LYRM4: variants seen among roughly 807,000 people sequenced by gnomAD.
LYRM4 encodes the protein LYR motif-containing protein 4.
Under a neutral mutation model 11.7 loss-of-function variants are expected in LYRM4, and 9 were observed. The ratio of observed to expected loss-of-function variants is 0.77; its 90% CI spans 0.46 to 1.34. The LOEUF (loss-of-function observed/expected upper bound fraction) is 1.34. LYRM4 is among the 40% of genes most tolerant of loss of function. The pLI, the probability that LYRM4 is intolerant of heterozygous loss-of-function variation, is 0.00. For synonymous variants in LYRM4, 42 were observed against 40.4 expected, an observed-to-expected ratio of 1.04 and a Z score of -0.15; for missense variants, 133 against 112.5, an observed-to-expected ratio of 1.18 and a Z score of -0.82.
chr6:5,034,336 G>C, the LYRM4 span: 1 of 152,214 alleles, frequency 6.6e-6, no homozygotes, highest in Non-Finnish European at 1.5e-5. Flanking sequence ...TAAATTTGTG[G>C]ATTCGTGAGA....
At chr6:5,245,102 AAAAAAAAAAAAATATATATAT>A (rs1488194216) in intron 1 of LYRM4, among the ~76,000 whole-genome samples, 8 of 56,498 alleles carry the variant, frequency 1.4e-4, no homozygotes, top group African/African-American at 4.5e-4. Context: ...AAAAAAAAAA[AAAAAAAAAAAAATATATATAT>A]ATATATATAT....
At chr6:5,053,520 G>A in the LYRM4 span, among the ~76,000 whole-genome samples, 2 of 151,974 alleles carry the variant, frequency 1.3e-5, no homozygotes, top group African/African-American at 4.8e-5. Context: ...CCAGCTACTT[G>A]GGAGGCTGAG....
rs773736902 is a variant in LYRM4, at chr6:5,108,854, C to A, written c.*569G>T. The A allele has an allele frequency of 4.1e-5, 40 of 986,606 alleles. No individual in the cohort carries two copies. Among genetic ancestry groups the A allele is most frequent in the Admixed American group, 1.2e-4 (2 of 16,462 alleles). The allele number at this position is 986,606 out of a possible 1,614,324, so 61.1% of individuals were successfully genotyped here. On this transcript the variant is annotated 3_prime_UTR_variant, in exon 3 of 3. Coordinates refer to ENST00000330636, the MANE Select transcript of LYRM4 (RefSeq NM_020408.6). Reference sequence around the variant, plus strand: ...CACCCGTCACCTTTGTTGTACTGGGCTCAGGTATAAGTTGCAGGGTGCACC... The same window carrying A: ...CACCCGTCACCTTTGTTGTACTGGGATCAGGTATAAGTTGCAGGGTGCACC...
intron 2 of LYRM4, chr6:5,136,274 T>C (rs1257487023): frequency 6.1e-6 from 6 of 983,548 alleles, no homozygotes; most frequent in Non-Finnish European, 6.0e-6. Flanking sequence ...ACTAGATCAT[T>C]TGGTCATTCT....
intron 2 of LYRM4, among the ~76,000 whole-genome samples, chr6:5,203,701 C>T (rs1372281212): frequency 4.6e-5 from 7 of 152,184 alleles, no homozygotes; most frequent in Non-Finnish European, 7.3e-5. Flanking sequence ...CACTGAAAAG[C>T]GGCCGGGGAA....
the LYRM4 span, among the ~76,000 whole-genome samples, chr6:5,093,612 T>C: frequency 6.6e-6 from 1 of 152,254 alleles, no homozygotes; most frequent in South Asian, 2.1e-4. Context: ...ACAAAAAAAC[T>C]TTTTAAAAGG....
chr6:5,098,209 C>T, the LYRM4 span, among the ~76,000 whole-genome samples: 76 of 152,332 alleles, frequency 5.0e-4, 2 homozygotes, highest in Admixed American at 4.0e-3. Context: ...CCGAACCCAG[C>T]CAGCTCCACA....
intron 2 of LYRM4, among the ~76,000 whole-genome samples, chr6:5,169,103 C>CT (rs1191862831): frequency 2.6e-5 from 4 of 151,360 alleles, no homozygotes; most frequent in African/African-American, 7.3e-5. Flanking sequence ...TCATTTTTAA[C>CT]TTTTTTTTTG....
intron 2 of LYRM4, among the ~76,000 whole-genome samples, chr6:5,164,654 G>A (rs1330448344): frequency 6.6e-6 from 1 of 152,098 alleles, no homozygotes; most frequent in Non-Finnish European, 1.5e-5. Flanking sequence ...ATTCTGGGTA[G>A]ATGATATCTT....
At chr6:5,256,182 A>C (rs963732016) in intron 1 of LYRM4, among the ~76,000 whole-genome samples, 5 of 152,116 alleles carry the variant, frequency 3.3e-5, no homozygotes, top group Non-Finnish European at 5.9e-5. Flanking sequence ...AGAGCCAAGA[A>C]GACAAAATTT....
chr6:5,056,415 A>G, the LYRM4 span, among the ~76,000 whole-genome samples: 4 of 152,218 alleles, frequency 2.6e-5, no homozygotes, highest in Admixed American at 1.3e-4. Context: ...TAGTTGCAAT[A>G]TGGAATCTGA....
At chr6:5,177,733 G>A (rs1157396500) in intron 2 of LYRM4, among the ~76,000 whole-genome samples, 1 of 152,178 alleles carries the variant, frequency 6.6e-6, no homozygotes, top group Non-Finnish European at 1.5e-5. Context: ...TATCTTCTCT[G>A]AAGAGTTTGA....
chr6:5,163,282 T>A (rs928577999), intron 2 of LYRM4, among the ~76,000 whole-genome samples: 1 of 152,154 alleles, frequency 6.6e-6, no homozygotes, highest in Non-Finnish European at 1.5e-5. Context: ...CAAATAGCAA[T>A]CCCATTGGCT....
chr6:5,176,406 A>G (rs1394306957), intron 2 of LYRM4, among the ~76,000 whole-genome samples: 1 of 152,214 alleles, frequency 6.6e-6, no homozygotes, highest in African/African-American at 2.4e-5. Context: ...TTGTTGGTAT[A>G]CTAAGGCCTA....
chr6:5,134,067 T>C (rs1379131605), intron 2 of LYRM4, among the ~76,000 whole-genome samples: 3 of 152,252 alleles, frequency 2.0e-5, no homozygotes, highest in East Asian at 1.9e-4. Flanking sequence ...GCTGTGAACA[T>C]ACGAATACAA....
chr6:5,125,162 G>A (rs1168495175), intron 2 of LYRM4, among the ~76,000 whole-genome samples: 1 of 152,166 alleles, frequency 6.6e-6, no homozygotes, highest in Admixed American at 6.5e-5. Context: ...TGCTGCACCT[G>A]CATGGCTGCT....
the LYRM4 span, among the ~76,000 whole-genome samples, chr6:5,040,802 T>C: frequency 1.3e-5 from 2 of 152,146 alleles, no homozygotes; most frequent in Non-Finnish European, 2.9e-5. Context: ...AACCTGACTA[T>C]ATAAAACCTA....
At chr6:5,183,250 C>T (rs1185313855) in intron 2 of LYRM4, among the ~76,000 whole-genome samples, 2 of 152,152 alleles carry the variant, frequency 1.3e-5, no homozygotes, top group African/African-American at 2.4e-5. Context: ...TCCACCTTTC[C>T]TATGATGCAC....
intron 2 of LYRM4, among the ~76,000 whole-genome samples, chr6:5,164,486 A>G (rs1758952626): frequency 1.3e-5 from 2 of 152,228 alleles, no homozygotes; most frequent in Non-Finnish European, 2.9e-5. Context: ...ATATAAAGAC[A>G]GCACCACTGT....
Sources: allele counts gnomAD v4.1 joint callset (sites outside exome capture counted in the v4.1 genomes callset), GRCh38; gene constraint gnomAD v4.1.1; transcripts MANE v1.5; gene names NCBI Gene and HGNC (gene_info 2026-07-23, HGNC 2026-07-21).